Variants in CNTNAP5 observed in about 807,000 individuals in gnomAD.
CNTNAP5 encodes the protein contactin-associated protein-like 5.
In CNTNAP5, 72 loss-of-function variants were observed where a neutral mutation model predicts 150.2. The ratio of observed to expected loss-of-function variants is 0.48; its 90% CI spans 0.40 to 0.58. CNTNAP5 has a LOEUF of 0.58. Ranked by LOEUF, CNTNAP5 falls within the 20% of genes least tolerant of loss-of-function variation. CNTNAP5 has a pLI of 0.00. For synonymous variants in CNTNAP5, 672 were observed against 619.8 expected, an observed-to-expected ratio of 1.08 and a Z score of -1.25; for missense variants, 1,636 against 1,626.2, an observed-to-expected ratio of 1.01 and a Z score of -0.10.
intron 1 of CNTNAP5, among the ~76,000 whole-genome samples, chr2:124,105,391 A>G (rs1370864915): frequency 2.6e-5 from 4 of 152,164 alleles, no homozygotes; most frequent in South Asian, 2.1e-4. Context: ...ACATATGAAA[A>G]CTTGTCATTT....
At chr2:124,043,362 C>A (rs1573712989) in intron 1 of CNTNAP5, among the ~76,000 whole-genome samples, 1 of 152,162 alleles carries the variant, frequency 6.6e-6, no homozygotes, top group Non-Finnish European at 1.5e-5. Flanking sequence ...TTCCACTGTA[C>A]ATAAGTCTGC....
rs1191207456 is a variant in CNTNAP5 at position 124,713,237 on chromosome 2, TTC to T, written c.2078-33990_2078-33989del. ...TTTCTCTGTTTCTTTCTTTCTTTCT[TTC>T]TTTCTCTTTCTTTCTTTCTTTCTTT... On this transcript the variant is annotated intron_variant, in intron 13 of 23. Transcript: ENST00000682447. 7.9e-4 allele frequency among the ~76,000 whole-genome samples: 39 copies of T among 49,384 alleles called. 2 individuals carry two copies. Among genetic ancestry groups the T allele is most frequent in the Non-Finnish European group, 1.1e-3 (26 of 23,460 alleles). 32.4% of individuals were successfully genotyped at this position (49,384 alleles called of 152,430 possible).
intron 3 of CNTNAP5, among the ~76,000 whole-genome samples, chr2:124,372,638 G>GT (rs1328432582): frequency 1.3e-5 from 2 of 152,054 alleles, no homozygotes; most frequent in African/African-American, 4.8e-5. Context: ...TTGCAAAGAA[G>GT]TTAAGTTCCT....
chr2:124,720,797 C>T (rs1680033442), intron 13 of CNTNAP5, among the ~76,000 whole-genome samples: 6 of 152,130 alleles, frequency 3.9e-5, no homozygotes, highest in Admixed American at 2.0e-4. Context: ...ATTAGTGTAC[C>T]TATAACCCTT....
At chr2:124,894,298 A>C (rs561269487) in intron 21 of CNTNAP5, among the ~76,000 whole-genome samples, 1 of 151,752 alleles carries the variant, frequency 6.6e-6, no homozygotes, top group Non-Finnish European at 1.5e-5. Flanking sequence ...TCATTGGAGT[A>C]GGATATATTT....
intron 1 of CNTNAP5, among the ~76,000 whole-genome samples, chr2:124,046,445 A>AAC (rs1040419258): frequency 3.3e-5 from 5 of 151,622 alleles, no homozygotes; most frequent in East Asian, 1.9e-4. Context: ...AAAAAAAAAA[A>AAC]AAAACAGAGA....
intron 3 of CNTNAP5, among the ~76,000 whole-genome samples, chr2:124,258,177 G>A (rs74518522): frequency 0.026 from 4,033 of 152,210 alleles, 87 homozygotes; most frequent in Non-Finnish European, 0.039. Context: ...GGGTATGGGC[G>A]ATGGATGAGC....
At chr2:124,216,970 C>A (rs1686173833) in intron 1 of CNTNAP5, among the ~76,000 whole-genome samples, 1 of 152,198 alleles carries the variant, frequency 6.6e-6, no homozygotes, top group Admixed American at 6.5e-5. Context: ...GCCACACCAA[C>A]TTCCACAATG....
intron 3 of CNTNAP5, among the ~76,000 whole-genome samples, chr2:124,393,189 T>C (rs1026571969): frequency 3.9e-5 from 6 of 152,156 alleles, no homozygotes; most frequent in Admixed American, 6.6e-5. Flanking sequence ...AGGCTATGTG[T>C]AATGTGGCAT....
intron 1 of CNTNAP5, among the ~76,000 whole-genome samples, chr2:124,197,726 A>C (rs1685622515): frequency 6.6e-6 from 1 of 152,188 alleles, no homozygotes; most frequent in African/African-American, 2.4e-5. Context: ...TCACGCATGT[A>C]ATCCCAGCAC....
chr2:124,748,291 T>A lies in CNTNAP5; in HGVS notation c.2234+906T>A, dbSNP rs540777890. On this transcript the variant is annotated intron_variant, in intron 14 of 23. Transcript: ENST00000682447. ...AGTGTCAAACATGTCTGTCAAGTGA[T>A]AGATACAGAATCAGAAATCAGCCAT... Among the ~76,000 whole-genome samples, 94 of 152,284 alleles carry A rather than the reference T, an allele frequency of 6.2e-4. 1 individual carries two copies. The highest frequency in any genetic ancestry group is 1.0e-4 in the Non-Finnish European group (7 of 68,020).
At chr2:124,225,476 C>T (rs1406964267) in intron 2 of CNTNAP5, among the ~76,000 whole-genome samples, 1 of 152,136 alleles carries the variant, frequency 6.6e-6, no homozygotes, top group Non-Finnish European at 1.5e-5. Context: ...ACTTCCCTCC[C>T]TCTTATGTGA....
chr2:124,294,779 C>T (rs112005251), intron 3 of CNTNAP5, among the ~76,000 whole-genome samples: 2 of 152,134 alleles, frequency 1.3e-5, no homozygotes, highest in African/African-American at 4.8e-5. Flanking sequence ...GAGTACATGC[C>T]ACATATATTA....
chr2:124,132,385 AGAGTT>A (rs1441620025), intron 1 of CNTNAP5, among the ~76,000 whole-genome samples: 2 of 152,206 alleles, frequency 1.3e-5, no homozygotes, highest in Admixed American at 6.5e-5. Flanking sequence ...CTGAACTATT[AGAGTT>A]AAGATTTTCT....
chr2:124,243,617 AT>A (rs1443443379), intron 3 of CNTNAP5, among the ~76,000 whole-genome samples: 1 of 152,156 alleles, frequency 6.6e-6, no homozygotes, highest in Non-Finnish European at 1.5e-5. Context: ...GTGAGTATAC[AT>A]GGAAACAAAG....
At chr2:124,356,316 T>C (rs1343481481) in intron 3 of CNTNAP5, among the ~76,000 whole-genome samples, 1 of 152,046 alleles carries the variant, frequency 6.6e-6, no homozygotes, top group Non-Finnish European at 1.5e-5. Context: ...CTTTTTTTTT[T>C]TTTTTTATAC....
At chr2:124,043,142 T>C (rs1422896191) in intron 1 of CNTNAP5, among the ~76,000 whole-genome samples, 1 of 152,120 alleles carries the variant, frequency 6.6e-6, no homozygotes, top group Non-Finnish European at 1.5e-5. Context: ...AGTGATAAAA[T>C]CAGAAGTAAG....
intron 3 of CNTNAP5, among the ~76,000 whole-genome samples, chr2:124,304,149 T>C (rs887545152): frequency 1.3e-5 from 2 of 152,246 alleles, no homozygotes; most frequent in Admixed American, 6.5e-5. Context: ...TTGTATACTT[T>C]AGCAACTTTA....
chr2:124,748,314 C>T (rs1680652016), intron 14 of CNTNAP5, among the ~76,000 whole-genome samples: 1 of 152,108 alleles, frequency 6.6e-6, no homozygotes, highest in African/African-American at 2.4e-5. Flanking sequence ...AGAAATCAGC[C>T]ATTTCTGCAG....
Sources: allele counts gnomAD v4.1 joint callset (sites outside exome capture counted in the v4.1 genomes callset), GRCh38; gene constraint gnomAD v4.1.1; transcripts MANE v1.5; gene names NCBI Gene and HGNC (gene_info 2026-07-23, HGNC 2026-07-21).